Variants in MGLL observed in about 807,000 individuals in gnomAD.
MGLL encodes lysophospholipase homolog.
Under a neutral mutation model 29.1 loss-of-function variants are expected in MGLL, and 7 were observed. That is an observed-to-expected ratio of 0.24 (90% CI 0.14 to 0.45). The LOEUF is 0.45. Ranked by LOEUF, MGLL falls within the 20% of genes least tolerant of loss-of-function variation. The probability of loss-of-function intolerance (pLI) is 0.99; values close to 1 mark genes in which losing one functional copy is unlikely to be tolerated. For missense variants in MGLL, 356 were observed against 413.6 expected, an observed-to-expected ratio of 0.86 and a Z score of 1.21; for synonymous variants, 148 against 168.3, an observed-to-expected ratio of 0.88 and a Z score of 0.93.
At chr3:127,822,106 A>G (rs1037432609) in intron 1 of MGLL, 8 of 683,612 alleles carry the variant, frequency 1.2e-5, no homozygotes, top group African/African-American at 9.1e-5. Flanking sequence ...ATTTTAAATC[A>G]TTTCAGGAAA....
intron 4 of MGLL, among the ~76,000 whole-genome samples, chr3:127,721,507 G>GTTTT (rs55892315): frequency 0.076 from 7,214 of 94,502 alleles, 216 homozygotes; most frequent in Non-Finnish European, 0.11. Flanking sequence ...TAATAGGAGG[G>GTTTT]TTTTTTTTTT....
intron 2 of MGLL, among the ~76,000 whole-genome samples, chr3:127,784,294 T>C (rs1463759733): frequency 6.6e-6 from 1 of 152,160 alleles, no homozygotes; most frequent in African/African-American, 2.4e-5. Flanking sequence ...ACCTCTGGGT[T>C]TAATTGGTCT....
intron 3 of MGLL, among the ~76,000 whole-genome samples, chr3:127,732,776 G>C (rs188799090): frequency 2.4e-4 from 36 of 152,336 alleles, no homozygotes; most frequent in African/African-American, 8.7e-4. Context: ...GCTGGGCAGA[G>C]GCTAACCCTG....
chr3:127,742,395 G>A (rs773854278), intron 3 of MGLL, among the ~76,000 whole-genome samples: 7 of 152,010 alleles, frequency 4.6e-5, no homozygotes, highest in Non-Finnish European at 1.0e-4. Context: ...TTCAAGACCA[G>A]CCTGGCCAAC....
At chr3:127,821,257 C>T (rs781114655) in intron 2 of MGLL, among the ~76,000 whole-genome samples, 10 of 152,250 alleles carry the variant, frequency 6.6e-5, no homozygotes, top group Non-Finnish European at 1.0e-4. Flanking sequence ...CCTGGTGACA[C>T]ATGTATGCCA....
chr3:127,721,506 GGT>G (rs1491442181), intron 4 of MGLL, among the ~76,000 whole-genome samples: 4 of 74,866 alleles, frequency 5.3e-5, no homozygotes, highest in African/African-American at 1.8e-4. Flanking sequence ...TTAATAGGAG[GGT>G]TTTTTTTTTT....
chr3:127,707,801 C>T (rs1017881195), intron 6 of MGLL, among the ~76,000 whole-genome samples: 3 of 152,302 alleles, frequency 2.0e-5, no homozygotes, highest in South Asian at 2.1e-4. Context: ...ACACATGCGG[C>T]GAGAATGTGG....
chr3:127,736,032 T>A, intron 3 of MGLL: 1 of 1,381,024 alleles, frequency 7.2e-7, no homozygotes, highest in South Asian at 1.8e-5. Flanking sequence ...ACCTTTTTAT[T>A]TTCCCTTGAA....
chr3:127,797,224 T>C (rs941041433), intron 2 of MGLL, among the ~76,000 whole-genome samples: 1 of 152,054 alleles, frequency 6.6e-6, no homozygotes, highest in Non-Finnish European at 1.5e-5. Context: ...AGAGGGTGTA[T>C]CCCAGGACTG....
At chr3:127,771,110 T>A (rs907835605) in intron 3 of MGLL, among the ~76,000 whole-genome samples, 6 of 152,204 alleles carry the variant, frequency 3.9e-5, no homozygotes, top group Non-Finnish European at 7.4e-5. Flanking sequence ...CATCTGCCTA[T>A]GTCTCAACCC....
At chr3:127,722,109 T>A (rs770076349) in intron 4 of MGLL, among the ~76,000 whole-genome samples, 13 of 152,230 alleles carry the variant, frequency 8.5e-5, no homozygotes, top group Non-Finnish European at 1.8e-4. Context: ...TTCTTATTGA[T>A]GAAGGAGCTA....
At chr3:127,822,080 C>G (rs1388450667) in intron 1 of MGLL, 1 of 651,854 alleles carries the variant, frequency 1.5e-6, no homozygotes, top group African/African-American at 1.8e-5. Flanking sequence ...GTTTTTCCCC[C>G]TTCCCATCTG....
At chr3:127,770,820 AG>A (rs1238242929) in intron 3 of MGLL, among the ~76,000 whole-genome samples, 1 of 152,164 alleles carries the variant, frequency 6.6e-6, no homozygotes, top group East Asian at 1.9e-4. Context: ...CTGGGTGTCC[AG>A]GGTCACAAGG....
chr3:127,710,746 A>C, intron 5 of MGLL, 81 bp from the exon 6 acceptor site: 4 of 1,264,814 alleles, frequency 3.2e-6, no homozygotes, highest in Non-Finnish European at 4.5e-6. Flanking sequence ...TTTACAGTAC[A>C]TTAAGGAGAG....
At chr3:127,804,395 T>C (rs950024013) in intron 2 of MGLL, among the ~76,000 whole-genome samples, 4 of 152,236 alleles carry the variant, frequency 2.6e-5, no homozygotes, top group Admixed American at 2.6e-4. Context: ...TGATCGCTTC[T>C]GCTCACTTGT....
intron 3 of MGLL, among the ~76,000 whole-genome samples, chr3:127,780,489 A>C (rs543524835): frequency 2.0e-5 from 3 of 152,362 alleles, no homozygotes; most frequent in South Asian, 4.1e-4. Flanking sequence ...ATCCTCAAAT[A>C]TTATTTCTCA....
chr3:127,736,084 G>A, intron 3 of MGLL: 6 of 1,262,950 alleles, frequency 4.8e-6, no homozygotes, highest in Non-Finnish European at 6.0e-6. Context: ...GATTACAGAA[G>A]TTCCCAAACA....
intron 3 of MGLL, among the ~76,000 whole-genome samples, chr3:127,741,755 T>G (rs2076345030): frequency 1.3e-5 from 2 of 152,232 alleles, no homozygotes; most frequent in Non-Finnish European, 2.9e-5. Flanking sequence ...AGGAAGATCG[T>G]GCAAGCAGGT....
chr3:127,800,993 A>G (rs1367943510), intron 2 of MGLL, among the ~76,000 whole-genome samples: 1 of 152,222 alleles, frequency 6.6e-6, no homozygotes, highest in Non-Finnish European at 1.5e-5. Flanking sequence ...AGAGAAGAGC[A>G]ATGCTACTAA....
Sources: gnomAD v4.1 joint callset for allele counts (sites outside exome capture counted in the v4.1 genomes callset) on GRCh38, gnomAD v4.1.1 for gene constraint, MANE v1.5 for transcripts, NCBI Gene and HGNC (gene_info 2026-07-23, HGNC 2026-07-21) for gene names.